Variants in CARD8 observed in about 807,000 individuals in gnomAD.
CARD8 encodes the protein caspase recruitment domain-containing protein 8.
A neutral mutation model predicts 53.2 loss-of-function variants in CARD8; 38 were observed. That is an observed-to-expected ratio of 0.71 (90% CI 0.55 to 0.94). The LOEUF (loss-of-function observed/expected upper bound fraction) is 0.94, where lower values mean the gene tolerates loss of function less well. Ranked by LOEUF, CARD8 falls within the 40% of genes least tolerant of loss-of-function variation. CARD8 has a pLI of 0.00. For synonymous variants in CARD8, 245 were observed against 244.9 expected, an observed-to-expected ratio of 1.00 and a Z score of 0.00; for missense variants, 561 against 655.5, an observed-to-expected ratio of 0.86 and a Z score of 1.57.
intron 6 of CARD8, 120 bp from the exon 7 acceptor site, chr19:48,232,613 G>A (rs907798036): frequency 9.7e-6 from 8 of 824,194 alleles, no homozygotes; most frequent in East Asian, 8.0e-5. Context: ...GCCGCTACCC[G>A]GATATGCTAT....
chr19:48,216,438 A>G (rs1441758955), intron 12 of CARD8, among the ~76,000 whole-genome samples: 1 of 152,174 alleles, frequency 6.6e-6, no homozygotes, highest in Non-Finnish European at 1.5e-5. Context: ...TACCGACTGG[A>G]GGGAGGAGGC....
At chr19:48,207,190 A>G (rs868759858), downstream of CARD8, among the ~76,000 whole-genome samples, 1 of 54,536 alleles carries the variant, frequency 1.8e-5, no homozygotes. Flanking sequence ...AAAAGAAAAG[A>G]AAAAAAAAAC....
At chr19:48,226,705 A>G (rs950787719) in intron 10 of CARD8, among the ~76,000 whole-genome samples, 1 of 152,196 alleles carries the variant, frequency 6.6e-6, no homozygotes, top group Admixed American at 6.5e-5. Flanking sequence ...CCATATTTCT[A>G]GCAAAAATGG....
chr19:48,239,811 C>T (rs1436152460), intron 4 of CARD8, among the ~76,000 whole-genome samples: 2 of 152,066 alleles, frequency 1.3e-5, no homozygotes, highest in South Asian at 2.1e-4. Flanking sequence ...GACTGAGAAG[C>T]TTGTGAACAA....
chr19:48,227,655 T>C (rs1234644583), intron 10 of CARD8, among the ~76,000 whole-genome samples: 1 of 151,644 alleles, frequency 6.6e-6, no homozygotes, highest in Non-Finnish European at 1.5e-5. Flanking sequence ...ATACAAGAAT[T>C]AGCCAGGTGT....
intron 12 of CARD8, among the ~76,000 whole-genome samples, chr19:48,216,915 C>G (rs2039422400): frequency 6.6e-6 from 1 of 152,082 alleles, no homozygotes; most frequent in Non-Finnish European, 1.5e-5. Context: ...ATACAAACAA[C>G]TCACCATAAT....
chr19:48,247,943 C>T (rs2146991684), intron 3 of CARD8, among the ~76,000 whole-genome samples: 1 of 152,104 alleles, frequency 6.6e-6, no homozygotes, highest in South Asian at 2.1e-4. Flanking sequence ...TCAGTTACCA[C>T]TCATCAAATT....
chr19:48,207,734 G>GTTTTTTTTTTTTTGTTT (rs1555790116), downstream of CARD8, among the ~76,000 whole-genome samples: 26 of 116,536 alleles, frequency 2.2e-4, no homozygotes, highest in South Asian at 5.4e-4. Flanking sequence ...TTGTTTTTCT[G>GTTTTTTTTTTTTTGTTT]TTTTTTTTTT....
At chr19:48,212,615 CAT>C in intron 13 of CARD8, among the ~76,000 whole-genome samples, 2 of 152,336 alleles carry the variant, frequency 1.3e-5, no homozygotes, top group African/African-American at 4.8e-5. Flanking sequence ...TGACTCAAGA[CAT>C]GTTCTGGACC....
chr19:48,223,120 A>C (rs2041018674), intron 10 of CARD8, among the ~76,000 whole-genome samples: 1 of 152,156 alleles, frequency 6.6e-6, no homozygotes, highest in Non-Finnish European at 1.5e-5. Flanking sequence ...ACTGGACAAC[A>C]TGGTGAAACC....
At chr19:48,246,616 A>AAC (rs1224621998) in intron 3 of CARD8, among the ~76,000 whole-genome samples, 1 of 139,258 alleles carries the variant, frequency 7.2e-6, no homozygotes. Flanking sequence ...GAAAATCAAT[A>AAC]ATAAAAAAAA....
chr19:48,204,628 G>A (rs1481287439), downstream of CARD8, among the ~76,000 whole-genome samples: 1 of 152,180 alleles, frequency 6.6e-6, no homozygotes, highest in Non-Finnish European at 1.5e-5. Context: ...TGGTAAACAG[G>A]ACAGATGTGA....
intron 12 of CARD8, among the ~76,000 whole-genome samples, chr19:48,217,076 C>T (rs924371505): frequency 1.3e-5 from 2 of 151,918 alleles, no homozygotes; most frequent in Non-Finnish European, 2.9e-5. Flanking sequence ...CAATAGGGTT[C>T]GCGCTCCTAC....
At chr19:48,243,321 T>G (rs2045544308) in intron 3 of CARD8, among the ~76,000 whole-genome samples, 1 of 152,130 alleles carries the variant, frequency 6.6e-6, no homozygotes, top group East Asian at 1.9e-4. Flanking sequence ...CCCAGAGAAA[T>G]AATCTAAAGA....
Position 48,242,841 on chromosome 19 carries a change from C to T in CARD8, c.-43-1778G>A, listed in dbSNP as rs559930034. 9.9e-5 allele frequency among the ~76,000 whole-genome samples: 15 copies of T among 152,270 alleles called. No individual in the cohort carries two copies. The South Asian group carries it at 1.7e-3, about 17-fold the overall frequency. On this transcript the variant is annotated intron_variant, in intron 3 of 13. Transcript: ENST00000651546. ...CGCTTCGGCAGCACATATACCAAAGCGCCAATCTCCATTCCCACCAGCAGT... is the reference window on the plus strand; with the variant it reads ...CGCTTCGGCAGCACATATACCAAAGTGCCAATCTCCATTCCCACCAGCAGT...
intron 12 of CARD8, among the ~76,000 whole-genome samples, chr19:48,216,971 G>A (rs1020506508): frequency 6.6e-6 from 1 of 151,810 alleles, no homozygotes; most frequent in Non-Finnish European, 1.5e-5. Context: ...CAACTAGGTG[G>A]TCCCATCTCG....
At chr19:48,223,984 T>C (rs2041232461) in intron 10 of CARD8, 2 of 440,462 alleles carry the variant, frequency 4.5e-6, no homozygotes, top group South Asian at 3.2e-5. Flanking sequence ...TTTTTTGAGA[T>C]GGAGTCTCGC....
chr19:48,217,663 T>C (rs986448766), intron 12 of CARD8, among the ~76,000 whole-genome samples: 3 of 152,236 alleles, frequency 2.0e-5, no homozygotes, highest in Non-Finnish European at 4.4e-5. Context: ...AAATTTTTCA[T>C]GCTGTGTTAC....
chr19:48,252,840 T>C (rs189792867), intron 1 of CARD8, among the ~76,000 whole-genome samples: 1,548 of 143,772 alleles, frequency 0.011, 9 homozygotes, highest in Middle Eastern at 0.071. Flanking sequence ...CACACACATA[T>C]GTGTATACAT....
Sources: gnomAD v4.1 joint callset for allele counts (sites outside exome capture counted in the v4.1 genomes callset) on GRCh38, gnomAD v4.1.1 for gene constraint, MANE v1.5 for transcripts, NCBI Gene and HGNC (gene_info 2026-07-23, HGNC 2026-07-21) for gene names.